The following ZNF521 variants were observed in gnomAD, a reference collection of about 807,000 sequenced individuals.
ZNF521 encodes the protein LYST-interacting protein 3.
In ZNF521, 14 loss-of-function variants were observed where a neutral mutation model predicts 105.5. The ratio of observed to expected loss-of-function variants is 0.13; its 90% CI spans 0.09 to 0.21. The LOEUF (loss-of-function observed/expected upper bound fraction) is 0.21, where lower values mean the gene tolerates loss of function less well. Ranked by LOEUF, ZNF521 falls within the 10% of genes least tolerant of loss-of-function variation. ZNF521 has a pLI of 1.00. For missense variants in ZNF521, 1,233 were observed against 1,629.7 expected (o/e 0.76, Z 4.19); for synonymous variants, 635 against 606.0 (o/e 1.05, Z -0.70).
chr18:25,124,030 C>A (rs1396636198), intron 5 of ZNF521, among the ~76,000 whole-genome samples: 1 of 152,102 alleles, frequency 6.6e-6, no homozygotes, highest in Non-Finnish European at 1.5e-5. Context: ...TGTGTCCTGG[C>A]CCCAGTGCTG....
intron 2 of ZNF521, among the ~76,000 whole-genome samples, chr18:25,328,435 A>G (rs1011365717): frequency 6.6e-6 from 1 of 151,612 alleles, no homozygotes; most frequent in Non-Finnish European, 1.5e-5. Flanking sequence ...ACACACACAC[A>G]CACACACACA....
At chr18:25,074,581 G>T (rs1271800794) in intron 7 of ZNF521, among the ~76,000 whole-genome samples, 5 of 152,104 alleles carry the variant, frequency 3.3e-5, no homozygotes, top group African/African-American at 1.2e-4. Context: ...AGGAATGGTT[G>T]GGTGCATTTC....
chr18:25,298,918 C>A (rs1180567018), intron 3 of ZNF521, among the ~76,000 whole-genome samples: 8 of 152,150 alleles, frequency 5.3e-5, no homozygotes, highest in African/African-American at 1.9e-4. Context: ...AGTGACCATG[C>A]CCCAAAACAA....
At chr18:25,157,368 C>A (rs2035165988) in intron 5 of ZNF521, among the ~76,000 whole-genome samples, 1 of 152,144 alleles carries the variant, frequency 6.6e-6, no homozygotes, top group South Asian at 2.1e-4. Flanking sequence ...TGGGTATTCA[C>A]ACACAAAGAT....
At chr18:25,330,038 T>G (rs1913473555) in intron 2 of ZNF521, among the ~76,000 whole-genome samples, 2 of 152,196 alleles carry the variant, frequency 1.3e-5, no homozygotes, top group African/African-American at 4.8e-5. Context: ...GACAGGAGCA[T>G]GCTTTTCTCA....
Position 25,321,945 on chromosome 18 carries a change from C to A in ZNF521, c.220+63G>T, listed in dbSNP as rs889217412. On this transcript the variant is annotated intron_variant, in intron 3 of 7. Transcript: ENST00000361524. ...TTGAAGAGAAAAACACATAAAGGAACAAACTGAAAAAATCAGAAATAGAAC... is the reference window on the plus strand; with the variant it reads ...TTGAAGAGAAAAACACATAAAGGAAAAAACTGAAAAAATCAGAAATAGAAC... The A allele has an allele frequency of 6.1e-6, 9 of 1,470,344 alleles. No homozygotes were observed. In the African/African-American group the frequency reaches 1.1e-4, roughly 18 times the overall value. 91.1% of individuals were successfully genotyped at this position (1,470,344 alleles called of 1,614,324 possible).
At chr18:25,114,725 G>A (rs1039594268) in intron 5 of ZNF521, among the ~76,000 whole-genome samples, 1 of 152,150 alleles carries the variant, frequency 6.6e-6, no homozygotes, top group African/African-American at 2.4e-5. Flanking sequence ...CATCCGCATA[G>A]GAGAATGCCA....
intron 3 of ZNF521, chr18:25,302,724 G>A (rs1437359530): frequency 1.3e-5 from 2 of 152,178 alleles, no homozygotes; most frequent in African/African-American, 4.8e-5. Flanking sequence ...GTCCTAGACT[G>A]CAGTTCTGCC....
At chr18:25,168,953 G>A (rs1405686341) in intron 5 of ZNF521, among the ~76,000 whole-genome samples, 1 of 102,062 alleles carries the variant, frequency 9.8e-6, no homozygotes, top group Non-Finnish European at 1.9e-5. Context: ...TCTGTGTCTG[G>A]GGTGTGTGTG....
chr18:25,114,238 T>C (rs1002191742), intron 5 of ZNF521, among the ~76,000 whole-genome samples: 3 of 152,164 alleles, frequency 2.0e-5, no homozygotes, highest in African/African-American at 7.2e-5. Flanking sequence ...GATATAGATA[T>C]CCACAGTGCA....
rs916219689 is a variant in ZNF521 at position 25,206,941 on chromosome 18, T to C, written c.3574-11697A>G. Among the ~76,000 whole-genome samples the C allele has an allele frequency of 2.0e-5, 3 of 152,320 alleles. No individual in the cohort carries two copies. The East Asian group carries it at 5.8e-4, about 29-fold the overall frequency. ...TGTGTTTCTTTCACTTTACCTATTC[T>C]AGAACATGCTGTGCAATTACAATGT... is the stretch of plus-strand genomic sequence containing the variant. On this transcript the variant is annotated intron_variant, in intron 4 of 7. Transcript: ENST00000361524.
rs184284537 is a variant in ZNF521, at chr18:25,303,129, T to C, written c.220+18879A>G. ...AACTCTGGCACCCACTGTAGCCTAT[T>C]TGACAATGGCAGTCATGTGCTAGGA... is the stretch of plus-strand genomic sequence containing the variant. On this transcript the variant is annotated intron_variant, in intron 3 of 7. Transcript: ENST00000361524. Among the ~76,000 whole-genome samples the C allele has an allele frequency of 3.3e-3, 502 of 152,274 alleles. 1 individual carries two copies. The highest frequency in any genetic ancestry group is 0.012 in the African/African-American group (482 of 41,556).
chr18:25,115,905 G>A (rs117420091), intron 5 of ZNF521, among the ~76,000 whole-genome samples: 2,290 of 152,230 alleles, frequency 0.015, 30 homozygotes, highest in Non-Finnish European at 0.024. Flanking sequence ...CAATTTCTCC[G>A]CCAGGAAAAC....
Position 25,226,955 on chromosome 18 carries a change from T to G in ZNF521, c.963A>C (p.Thr321=), listed in dbSNP as rs1337053442. The change falls in exon 4 of 8, where the codon ACA becomes ACC. Residue 321 remains threonine, a synonymous_variant. Transcript: ENST00000361524. This position sits in a 1 kb window ranked among gnomAD's most constrained non-coding sequence, Gnocchi z 4.1. The stretch of plus-strand genomic sequence containing the variant: ...CCATGTGGCTGTACAGTTCCTCAAC[T>G]GTGTGGAAACTCTCAGAACAAATGC... ...SCSICSESFH[T]VEELYSHMDS... 6.2e-7 allele frequency: 1 copy of G among 1,613,916 alleles called. No homozygotes were observed. Among genetic ancestry groups the G allele is most frequent in the African/African-American group, 1.3e-5 (1 of 74,900 alleles).
intron 4 of ZNF521, among the ~76,000 whole-genome samples, chr18:25,220,831 G>A (rs943637115): frequency 6.6e-5 from 10 of 152,190 alleles, no homozygotes; most frequent in Non-Finnish European, 1.5e-4. Context: ...TCAAAGTCAT[G>A]AGACAACATT....
chr18:25,234,860 AACT>A (rs1171039148), intron 3 of ZNF521, among the ~76,000 whole-genome samples: 3 of 152,106 alleles, frequency 2.0e-5, no homozygotes, highest in Non-Finnish European at 2.9e-5. Flanking sequence ...AAAAATAAAG[AACT>A]ACTATTTAAC....
chr18:25,341,497 G>A (rs1398017368), intron 2 of ZNF521, among the ~76,000 whole-genome samples: 1 of 152,184 alleles, frequency 6.6e-6, no homozygotes, highest in African/African-American at 2.4e-5. Context: ...AGAACTTTTA[G>A]GAGGGGTAAA....
chr18:25,274,184 A>C (rs371431290), intron 3 of ZNF521, among the ~76,000 whole-genome samples: 12 of 152,286 alleles, frequency 7.9e-5, no homozygotes, highest in Non-Finnish European at 1.6e-4. Context: ...GAATGAGGAG[A>C]TTCCTTTGCT....
chr18:25,067,002 A>C (rs1379772278), intron 7 of ZNF521, among the ~76,000 whole-genome samples: 1 of 152,228 alleles, frequency 6.6e-6, no homozygotes, highest in East Asian at 1.9e-4. Context: ...ACATCAGTGC[A>C]ACATTGGTGG....
Sources: allele counts gnomAD v4.1 joint callset (sites outside exome capture counted in the v4.1 genomes callset), GRCh38; gene constraint gnomAD v4.1.1; non-coding constraint Gnocchi (gnomAD v3.1); transcripts MANE v1.5; gene names NCBI Gene and HGNC (gene_info 2026-07-23, HGNC 2026-07-21).